RPS20: variants seen among roughly 807,000 people sequenced by gnomAD.
RPS20 encodes small ribosomal subunit protein uS10.
A neutral mutation model predicts 15.3 loss-of-function variants in RPS20; 3 were observed. That is an observed-to-expected ratio of 0.20 (90% CI 0.09 to 0.51). The LOEUF is 0.51. RPS20 is among the 20% of genes least tolerant of loss of function. The probability of loss-of-function intolerance (pLI) is 0.96; values close to 1 mark genes in which losing one functional copy is unlikely to be tolerated. For synonymous variants in RPS20, 62 were observed against 47.8 expected, an observed-to-expected ratio of 1.30 and a Z score of -1.23; for missense variants, 67 against 145.9, an observed-to-expected ratio of 0.46 and a Z score of 2.79.
chr8:56,071,251 A>C (rs148270577), downstream of RPS20, among the ~76,000 whole-genome samples: 39 of 152,152 alleles, frequency 2.6e-4, no homozygotes, highest in African/African-American at 9.4e-4. Context: ...CTTTAGTGAC[A>C]TTTTTTTCAG....
At position 56,073,855 on chromosome 8, in the gene RPS20, TA is replaced by T. The variant is rs771748515; in HGVS notation, c.104-88del. On this transcript the variant is annotated intron_variant, in intron 2 of 3. Transcript: ENST00000009589. ...ACTTCTGCTGGCTCAGAATAGCGTATAAAATTATCACCGTTACTCAACACAA... is the reference window on the plus strand; with the variant it reads ...ACTTCTGCTGGCTCAGAATAGCGTATAAATTATCACCGTTACTCAACACAA... 2.3e-6 allele frequency: 3 copies of T among 1,295,694 alleles called. No homozygotes were observed. The East Asian group carries it at 6.9e-5, about 30-fold the overall frequency. 80.3% of individuals were successfully genotyped at this position (1,295,694 alleles called of 1,614,324 possible).
Position 56,073,255 on chromosome 8 carries a change from T to C in RPS20, c.195A>G (p.Thr65=), listed in dbSNP as rs1050403. The change falls in exon 4 of 4, where the codon ACA becomes ACG. Residue 65 remains threonine (T), a synonymous_variant. Transcript: ENST00000009589. ...RMPTKTLRIT[T]RKTPCGEGSK... ...AACCTTCACCACAAGGAGTTTTTCT[T>C]GTAGTGATTCTCAAAGTCTGTAACA... The C allele has an allele frequency of 0.19, 309,044 of 1,605,042 alleles. 33,264 individuals are homozygous for C. The highest frequency in any genetic ancestry group is 0.26 in the Middle Eastern group (1,578 of 6,052).
downstream of RPS20, chr8:56,072,884 TCA>T: frequency 1.5e-6 from 2 of 1,302,184 alleles, no homozygotes; most frequent in Non-Finnish European, 2.0e-6. Flanking sequence ...CAGTCAGGTC[TCA>T]CATATTATGT....
At chr8:56,073,049 A>G (rs772032278), downstream of RPS20, 4 of 1,580,304 alleles carry the variant, frequency 2.5e-6, no homozygotes, top group East Asian at 4.5e-5. Context: ...AAAAACCAAC[A>G]GAAGTTAACA....
At chr8:56,069,888 ATTC>A, downstream of RPS20, 1 of 816,342 alleles carries the variant, frequency 1.2e-6, no homozygotes. Flanking sequence ...ATGTATAGAC[ATTC>A]TTTTTCTTGT....
chr8:56,072,560 A>C (rs1321596967), downstream of RPS20, among the ~76,000 whole-genome samples: 29 of 142,830 alleles, frequency 2.0e-4, no homozygotes, highest in South Asian at 2.6e-3. Flanking sequence ...CCCCCCCCCA[A>C]AAAAAAAAAG....
At chr8:56,074,306 G>C in intron 1 of RPS20, 75 bp downstream of exon 1, 1 of 1,545,562 alleles carries the variant, frequency 6.5e-7, no homozygotes, top group Non-Finnish European at 8.7e-7. Flanking sequence ...GCCCTCAGGA[G>C]CACGAACTCG....
downstream of RPS20, chr8:56,072,720 A>ATTAG (rs1809800075): frequency 4.5e-6 from 1 of 223,422 alleles, no homozygotes; most frequent in African/African-American, 2.4e-5. Context: ...ATTTAAAAAT[A>ATTAG]TTAGTTACTA....
rs777200165 is a variant in RPS20 at position 56,074,239 on chromosome 8, C to T, written c.4-80G>A. The T allele has an allele frequency of 7.2e-6, 11 of 1,524,992 alleles. 1 individual carries two copies. Among genetic ancestry groups the T allele is most frequent in the African/African-American group, 6.8e-5 (5 of 73,322 alleles). 94.5% of individuals were successfully genotyped at this position (1,524,992 alleles called of 1,614,324 possible). A position where few individuals can be genotyped will look rare whatever the true frequency, so the allele number is the denominator to read the frequency against. ...GGAGAAAGGCAGCTTCCGGAAGCTT[C>T]CCGCGTTTCCCCACCATTTCAGGAG... On this transcript the variant is annotated intron_variant, in intron 1 of 3. Transcript: ENST00000009589.
At chr8:56,072,182 A>G (rs1028107705), downstream of RPS20, among the ~76,000 whole-genome samples, 5 of 152,194 alleles carry the variant, frequency 3.3e-5, no homozygotes, top group African/African-American at 4.8e-5. Flanking sequence ...TGCAGTGATC[A>G]CACCACTGCA....
chr8:56,073,425 T>C (rs1030915064), intron 3 of RPS20, 153 bp from the exon 4 acceptor site: 6 of 665,636 alleles, frequency 9.0e-6, no homozygotes, highest in Non-Finnish European at 5.1e-6. Context: ...GGGTTGAAAA[T>C]GCCAGGTCTG....
In RPS20 at chr8:56,073,275, G is replaced by A. The variant is rs878869472; in HGVS notation, c.178-3C>T. On this transcript the variant is annotated splice_polypyrimidine_tract_variant and splice_region_variant and intron_variant, in intron 3 of 3. Coordinates refer to ENST00000009589, the MANE Select transcript of RPS20 (RefSeq NM_001023.4). ...TTTCTTGTAGTGATTCTCAAAGTCTGTAACAAAAGACAAAGGAAACCAAGT... is the reference window on the plus strand; with the variant it reads ...TTTCTTGTAGTGATTCTCAAAGTCTATAACAAAAGACAAAGGAAACCAAGT... 3.2e-6 allele frequency: 5 copies of A among 1,585,444 alleles called. No individual in the cohort carries two copies. The highest frequency in any genetic ancestry group is 4.3e-6 in the Non-Finnish European group (5 of 1,157,238).
At position 56,073,430 on chromosome 8, in the gene RPS20, G is replaced by C. The variant is rs575607291; in HGVS notation, c.178-158C>G. The C allele has an allele frequency of 7.0e-4, 461 of 661,184 alleles. 1 individual carries two copies. Among genetic ancestry groups the C allele is most frequent in the Non-Finnish European group, 1.0e-3 (386 of 384,630 alleles). 41.0% of individuals were successfully genotyped at this position (661,184 alleles called of 1,614,324 possible). A position where few individuals can be genotyped will look rare whatever the true frequency, so the allele number is the denominator to read the frequency against. Reference sequence around the variant, plus strand: ...CAGGTACCATGGGTTGAAAATGCCAGGTCTGTTTTCACTGTGCTAGGACAC... The same window carrying C: ...CAGGTACCATGGGTTGAAAATGCCACGTCTGTTTTCACTGTGCTAGGACAC... On this transcript the variant is annotated intron_variant, in intron 3 of 3. Coordinates refer to ENST00000009589, the MANE Select transcript of RPS20 (RefSeq NM_001023.4).
At chr8:56,069,631 C>A, downstream of RPS20, 1 of 1,033,288 alleles carries the variant, frequency 9.7e-7, no homozygotes, top group Admixed American at 2.1e-5. Context: ...GATAAAATTT[C>A]ATTTGCATCC....
chr8:56,072,543 C>T (rs972558613), downstream of RPS20, among the ~76,000 whole-genome samples: 2 of 148,054 alleles, frequency 1.4e-5, no homozygotes, highest in Admixed American at 6.7e-5. Context: ...CAGAGCAAAA[C>T]GCCGTCCCCC....
intron 3 of RPS20, 56 bp downstream of exon 3, chr8:56,073,639 A>C (rs771706029): frequency 1.4e-6 from 2 of 1,459,492 alleles, no homozygotes; most frequent in East Asian, 4.5e-5. Flanking sequence ...AAAGAACCTG[A>C]ATTTATGCAA....
At position 56,073,701 on chromosome 8, in the gene RPS20, A is replaced by G; in HGVS notation, c.171T>C (p.Pro57=). ...CCCCTCCGATTTACTTTACCTTGGT[A>G]GGCATTCGAACTGGTCCTTTCACTT... ...NLKVKGPVRM[P]TKTLRITTRK... The change falls in exon 3 of 4, where the codon CCT becomes CCC. Residue 57 remains proline, a synonymous_variant. Transcript: ENST00000009589. 1.2e-6 allele frequency: 2 copies of G among 1,613,258 alleles called. No individual in the cohort carries two copies. Among genetic ancestry groups the G allele is most frequent in the South Asian group, 1.1e-5 (1 of 91,058 alleles).
At chr8:56,073,561 C>A in intron 3 of RPS20, 134 bp downstream of exon 3, 3 of 764,500 alleles carry the variant, frequency 3.9e-6, no homozygotes, top group South Asian at 3.0e-5. Context: ...GAACCGCAAT[C>A]TACCACCGAT....
chr8:56,067,289 C>A (rs1007879163), downstream of RPS20: 8 of 152,160 alleles, frequency 5.3e-5, no homozygotes, highest in Non-Finnish European at 1.2e-4. Flanking sequence ...GCATTATTCA[C>A]AATAGCCAAG....
Sources: allele counts gnomAD v4.1 joint callset (sites outside exome capture counted in the v4.1 genomes callset), GRCh38; gene constraint gnomAD v4.1.1; transcripts MANE v1.5; gene names NCBI Gene and HGNC (gene_info 2026-07-23, HGNC 2026-07-21).